The following NRG1 variants were observed in gnomAD, a reference collection of about 807,000 sequenced individuals.
NRG1 encodes neuregulin 1, also known as pro-neuregulin-1, membrane-bound isoform.
Under a neutral mutation model 63.8 loss-of-function variants are expected in NRG1, and 18 were observed. That is an observed-to-expected ratio of 0.28 (90% CI 0.19 to 0.42). NRG1 has a LOEUF of 0.42. NRG1 is among the 10% of genes least tolerant of loss of function. The pLI is 1.00. For synonymous variants in NRG1, 302 were observed against 301.3 expected, an observed-to-expected ratio of 1.00 and a Z score of -0.02; for missense variants, 762 against 814.7, an observed-to-expected ratio of 0.94 and a Z score of 0.79.
At chr8:32,539,244 G>A (rs1832334502) in intron 1 of NRG1, among the ~76,000 whole-genome samples, 1 of 152,138 alleles carries the variant, frequency 6.6e-6, no homozygotes, top group Non-Finnish European at 1.5e-5. Context: ...GACGTTACAC[G>A]AAGGAATGAC....
At chr8:32,669,555 G>A (rs1323047656) in intron 5 of NRG1, among the ~76,000 whole-genome samples, 1 of 152,192 alleles carries the variant, frequency 6.6e-6, no homozygotes, top group African/African-American at 2.4e-5. Flanking sequence ...GATAAGTAAA[G>A]TAAGATTGGA....
At chr8:32,537,974 C>A (rs942725087) in intron 1 of NRG1, among the ~76,000 whole-genome samples, 1 of 152,150 alleles carries the variant, frequency 6.6e-6, no homozygotes, top group Non-Finnish European at 1.5e-5. Flanking sequence ...CCCTCAGCCT[C>A]CGGAGTAGCT....
At chr8:32,423,938 A>G (rs2129486292) in intron 1 of NRG1, among the ~76,000 whole-genome samples, 1 of 152,296 alleles carries the variant, frequency 6.6e-6, no homozygotes, top group Non-Finnish European at 1.5e-5. Context: ...ATAATAATGA[A>G]TGGGAATGTT....
intron 1 of NRG1, among the ~76,000 whole-genome samples, chr8:32,033,752 G>T (rs1818624197): frequency 9.2e-5 from 14 of 152,190 alleles, no homozygotes; most frequent in Admixed American, 9.2e-4. Flanking sequence ...CTCTCTGCTT[G>T]TTATTGTTGG....
At chr8:32,396,214 G>A (rs1424707780) in intron 1 of NRG1, among the ~76,000 whole-genome samples, 1 of 152,072 alleles carries the variant, frequency 6.6e-6, no homozygotes, top group East Asian at 1.9e-4. Context: ...CAGGTTCTGT[G>A]TATTTTCAGA....
chr8:32,293,727 T>C (rs1469643117), intron 1 of NRG1, among the ~76,000 whole-genome samples: 42 of 144,494 alleles, frequency 2.9e-4, no homozygotes, highest in Non-Finnish European at 5.5e-4. Context: ...TCTTTTTTTT[T>C]TTTTTTTTTT....
chr8:31,687,012 G>T (rs1268674763), intron 1 of NRG1, among the ~76,000 whole-genome samples: 2 of 152,056 alleles, frequency 1.3e-5, no homozygotes, highest in African/African-American at 4.8e-5. Flanking sequence ...CAAAGGATCT[G>T]CCAGCCTCGG....
chr8:31,868,206 A>C (rs1374912863), intron 1 of NRG1, among the ~76,000 whole-genome samples: 1 of 150,660 alleles, frequency 6.6e-6, no homozygotes, highest in Non-Finnish European at 1.5e-5. Flanking sequence ...ATAAGCCCTG[A>C]GAATTTTCAG....
At chr8:31,654,430 AT>A (rs1323901615) in intron 1 of NRG1, among the ~76,000 whole-genome samples, 1 of 152,262 alleles carries the variant, frequency 6.6e-6, no homozygotes, top group Non-Finnish European at 1.5e-5. Flanking sequence ...TTTATTAAAT[AT>A]TGAGAAGACA....
intron 1 of NRG1, among the ~76,000 whole-genome samples, chr8:31,849,030 G>C (rs1034943072): frequency 1.3e-5 from 2 of 152,146 alleles, no homozygotes; most frequent in African/African-American, 4.8e-5. Flanking sequence ...AATAGACTCA[G>C]AGGCATAGTC....
intron 1 of NRG1, among the ~76,000 whole-genome samples, chr8:31,816,016 T>G (rs917842566): frequency 6.6e-6 from 1 of 152,220 alleles, no homozygotes; most frequent in Non-Finnish European, 1.5e-5. Flanking sequence ...TTATCAGTAT[T>G]TTTTGTTGTT....
intron 1 of NRG1, among the ~76,000 whole-genome samples, chr8:31,672,651 A>AT (rs1264190440): frequency 2.0e-5 from 3 of 152,206 alleles, no homozygotes; most frequent in African/African-American, 2.4e-5. Context: ...AAGAATACTG[A>AT]TTTTTTTGTC....
intron 1 of NRG1, among the ~76,000 whole-genome samples, chr8:31,645,796 A>C (rs989544816): frequency 6.6e-6 from 1 of 152,230 alleles, no homozygotes; most frequent in African/African-American, 2.4e-5. Context: ...TTTAAATTAC[A>C]ACTAAAAAAT....
chr8:31,966,160 G>T (rs914193093), intron 1 of NRG1, among the ~76,000 whole-genome samples: 1 of 152,018 alleles, frequency 6.6e-6, no homozygotes, highest in Non-Finnish European at 1.5e-5. Context: ...AAAGGCAGAT[G>T]ACCATAACTA....
At chr8:32,561,621 T>C (rs552423913) in intron 1 of NRG1, among the ~76,000 whole-genome samples, 2 of 152,338 alleles carry the variant, frequency 1.3e-5, no homozygotes, top group South Asian at 4.1e-4. Flanking sequence ...CAAAAAAGCA[T>C]CCTCAGTGCT....
chr8:32,405,829 T>C (rs1813891567), intron 1 of NRG1, among the ~76,000 whole-genome samples: 1 of 147,638 alleles, frequency 6.8e-6, no homozygotes, highest in African/African-American at 2.5e-5. Flanking sequence ...TATGTTTTCA[T>C]TTCATTAGTA....
chr8:32,564,173 A>G (rs950127639), intron 1 of NRG1, among the ~76,000 whole-genome samples: 2 of 152,242 alleles, frequency 1.3e-5, no homozygotes, highest in African/African-American at 2.4e-5. Flanking sequence ...GCGTTGGCTG[A>G]TAGGATATAA....
At chr8:32,473,765 C>T (rs571841254) in intron 1 of NRG1, among the ~76,000 whole-genome samples, 58 of 152,286 alleles carry the variant, frequency 3.8e-4, no homozygotes, top group Admixed American at 6.5e-4. Context: ...CTCACTGCAG[C>T]CTCAAACTCC....
upstream of NRG1, among the ~76,000 whole-genome samples, chr8:32,545,859 G>T (rs548258496): frequency 6.6e-6 from 1 of 152,118 alleles, no homozygotes; most frequent in Non-Finnish European, 1.5e-5. Context: ...AAGGATTGTT[G>T]TCATGCAATT....
Sources: gnomAD v4.1 joint callset for allele counts (sites outside exome capture counted in the v4.1 genomes callset) on GRCh38, gnomAD v4.1.1 for gene constraint, MANE v1.5 for transcripts, NCBI Gene and HGNC (gene_info 2026-07-23, HGNC 2026-07-21) for gene names.